Variants in LRIF1 observed in about 807,000 individuals in gnomAD.
The protein encoded by LRIF1 is ligand-dependent nuclear receptor-interacting factor 1.
LRIF1 carries 32 observed loss-of-function variants against 52.7 expected under a neutral mutation model. The observed-to-expected ratio is 0.61, with a 90% CI of 0.46 to 0.82. The LOEUF (loss-of-function observed/expected upper bound fraction) is 0.82. Ranked by LOEUF, LRIF1 falls within the 40% of genes least tolerant of loss-of-function variation. The pLI is 0.00. For synonymous variants in LRIF1, 323 were observed against 317.4 expected (o/e 1.02, Z -0.19); for missense variants, 887 against 892.0 (o/e 0.99, Z 0.07).
chr1:110,888,339 A>T, the LRIF1 span, among the ~76,000 whole-genome samples: 59 of 152,298 alleles, frequency 3.9e-4, no homozygotes, highest in East Asian at 6.2e-3. Context: ...GGTGTCCTGT[A>T]AACCCTAGCT....
In LRIF1 at chr1:110,951,585, C is replaced by T. The variant is rs966514047; in HGVS notation, c.1299G>A (p.Gln433=). ...CCCTTAGATTGGCCATGGAAGCAAG[C>T]TGGGTATTGGAAAGTGATTTTGTCT... The part of the protein sequence containing the change: ...QMETKSLSNT[Q]LASMANLRAE... Residue 433 remains glutamine, a synonymous_variant, in exon 2 of 4, where the codon CAG becomes CAA. Coordinates refer to ENST00000369763, the MANE Select transcript of LRIF1 (RefSeq NM_018372.4). The T allele has an allele frequency of 2.5e-6, 4 of 1,614,052 alleles. No homozygotes were observed. The highest frequency in any genetic ancestry group is 3.4e-6 in the Non-Finnish European group (4 of 1,180,014).
chr1:110,886,112 A>G, the LRIF1 span, among the ~76,000 whole-genome samples: 3 of 152,084 alleles, frequency 2.0e-5, no homozygotes, highest in African/African-American at 4.8e-5. Context: ...ATTAAAATGT[A>G]TTTTTATTGG....
chr1:110,937,672 G>C, the LRIF1 span: 1 of 151,896 alleles, frequency 6.6e-6, no homozygotes, highest in Non-Finnish European at 1.5e-5. Context: ...TAAAGAACTA[G>C]AAAAGCAAGA....
In LRIF1 at chr1:110,963,720, G is replaced by A. The variant is rs145291151; in HGVS notation, c.-32C>T. 62 of 1,557,084 alleles carry A rather than the reference G, an allele frequency of 4.0e-5. No homozygotes were observed. The East Asian group carries it at 1.4e-3, about 36-fold the overall frequency. On this transcript the variant is annotated 5_prime_UTR_variant, in exon 1 of 4. Coordinates refer to ENST00000369763, the MANE Select transcript of LRIF1 (RefSeq NM_018372.4). ...GGGGAGAAAGGGGACACCTCATCCA[G>A]AAAAGTGGGAAGCGTGGGGCCGAGT...
At chr1:110,877,471 T>C in the LRIF1 span, among the ~76,000 whole-genome samples, 1 of 152,290 alleles carries the variant, frequency 6.6e-6, no homozygotes, top group Non-Finnish European at 1.5e-5. Context: ...TGCTAACTGT[T>C]TTAGGTAACT....
At chr1:110,927,125 CTT>C in the LRIF1 span, among the ~76,000 whole-genome samples, 1 of 152,150 alleles carries the variant, frequency 6.6e-6, no homozygotes, top group Non-Finnish European at 1.5e-5. Flanking sequence ...AAAGACCAGT[CTT>C]TGTTTGAAAG....
chr1:110,886,025 A>G, the LRIF1 span, among the ~76,000 whole-genome samples: 1 of 152,198 alleles, frequency 6.6e-6, no homozygotes, highest in African/African-American at 2.4e-5. Context: ...GATTGCTTTT[A>G]ACATTTCTTG....
At chr1:110,910,650 C>A in the LRIF1 span, among the ~76,000 whole-genome samples, 1 of 152,050 alleles carries the variant, frequency 6.6e-6, no homozygotes, top group Admixed American at 6.6e-5. Flanking sequence ...ACCAACCATG[C>A]TCTCTAAGAC....
the LRIF1 span, among the ~76,000 whole-genome samples, chr1:110,923,713 G>C: frequency 6.6e-6 from 1 of 152,100 alleles, no homozygotes; most frequent in African/African-American, 2.4e-5. Flanking sequence ...TTTCAGAACA[G>C]ATAAAATGTA....
the LRIF1 span, among the ~76,000 whole-genome samples, chr1:110,932,714 T>C: frequency 1.3e-5 from 2 of 152,218 alleles, no homozygotes; most frequent in African/African-American, 2.4e-5. Context: ...TTATATTTAA[T>C]AAGTATCTTC....
chr1:110,887,371 T>C, the LRIF1 span, among the ~76,000 whole-genome samples: 1,621 of 152,246 alleles, frequency 0.011, 35 homozygotes, highest in African/African-American at 0.037. Flanking sequence ...GCCTATTTTT[T>C]TGAAAACATA....
At chr1:110,914,985 A>C in the LRIF1 span, among the ~76,000 whole-genome samples, 6 of 152,122 alleles carry the variant, frequency 3.9e-5, no homozygotes, top group Admixed American at 3.9e-4. Flanking sequence ...ATGTGCACCA[A>C]AAGAAAGTAT....
chr1:110,937,867 T>C, the LRIF1 span: 4 of 151,600 alleles, frequency 2.6e-5, no homozygotes, highest in South Asian at 2.1e-4. Context: ...AAATCAGAAA[T>C]GAAAAAGGAG....
At chr1:110,890,315 C>T in the LRIF1 span, among the ~76,000 whole-genome samples, 614 of 152,246 alleles carry the variant, frequency 4.0e-3, 7 homozygotes, top group African/African-American at 0.014. Context: ...GCCTGTAATC[C>T]CAGCACTTTG....
chr1:110,952,774 G>C lies in LRIF1; in HGVS notation c.110C>G (p.Ser37Trp), dbSNP rs762048159. 1.2e-6 allele frequency: 2 copies of C among 1,612,148 alleles called. No individual in the cohort carries two copies. Among genetic ancestry groups the C allele is most frequent in the Non-Finnish European group, 1.7e-6 (2 of 1,178,996 alleles). Residue 37 changes from serine to tryptophan, a missense_variant, in exon 2 of 4, where the codon TCG (serine) becomes TGG (tryptophan). Transcript: ENST00000369763. Reference protein sequence around the residue: ...CMYQVVQTIGSDGKNLLQLLP... With the variant: ...CMYQVVQTIGWDGKNLLQLLP... Reference sequence around the variant, plus strand: ...TAATTGCAGAAGATTTTTTCCATCCGAGCCAATCGTCTGAACTACTTGGTA... The same window carrying C: ...TAATTGCAGAAGATTTTTTCCATCCCAGCCAATCGTCTGAACTACTTGGTA...
chr1:110,924,025 A>G, the LRIF1 span, among the ~76,000 whole-genome samples: 1 of 152,158 alleles, frequency 6.6e-6, no homozygotes, highest in South Asian at 2.1e-4. Context: ...TCACATTACA[A>G]ATACAAAGAA....
chr1:110,900,530 T>C, the LRIF1 span, among the ~76,000 whole-genome samples: 1 of 152,080 alleles, frequency 6.6e-6, no homozygotes, highest in East Asian at 1.9e-4. Context: ...GCCTGACTAA[T>C]TTTTTTGTGT....
chr1:110,947,145 C>T (rs566439458), downstream of LRIF1: 7 of 152,246 alleles, frequency 4.6e-5, no homozygotes, highest in Admixed American at 4.6e-4. Context: ...ATCCCTACAC[C>T]ATTCCCAAAC....
In LRIF1 at chr1:110,952,237, CTGG is replaced by C; in HGVS notation, c.644_646del (p.Thr215del). The C allele has an allele frequency of 1.2e-6, 2 of 1,614,104 alleles. No homozygotes were observed. The highest frequency in any genetic ancestry group is 1.7e-6 in the Non-Finnish European group (2 of 1,180,010). ...GGAGGCCTCAACCATTCCTGAGGTA[CTGG>C]TGGTGGCAGTTGCAAGTATCTTTTG... is the stretch of plus-strand genomic sequence containing the variant. On this transcript the variant is annotated inframe_deletion, in exon 2 of 4. Coordinates refer to ENST00000369763, the MANE Select transcript of LRIF1 (RefSeq NM_018372.4).
Sources: allele counts gnomAD v4.1 joint callset (sites outside exome capture counted in the v4.1 genomes callset), GRCh38; gene constraint gnomAD v4.1.1; transcripts MANE v1.5; gene names NCBI Gene and HGNC (gene_info 2026-07-23, HGNC 2026-07-21).